The following DMD variants were observed in gnomAD, a reference collection of about 807,000 sequenced individuals.
The protein encoded by DMD is dystrophin, also known as mutant dystrophin.
In DMD, 63 loss-of-function variants were observed where a neutral mutation model predicts 330.1. The ratio of observed to expected loss-of-function variants is 0.19; its 90% CI spans 0.16 to 0.24. DMD has a LOEUF of 0.24. Ranked by LOEUF, DMD falls within the 10% of genes least tolerant of loss-of-function variation. The pLI, the probability that DMD is intolerant of heterozygous loss-of-function variation, is 1.00. For missense variants in DMD, 3,344 were observed against 2,684.1 expected, an observed-to-expected ratio of 1.25 and a Z score of -5.43; for synonymous variants, 1,223 against 959.8, an observed-to-expected ratio of 1.27 and a Z score of -5.07.
chrX:32,177,427 T>C (rs1411039779), intron 44 of DMD, among the ~76,000 whole-genome samples: 2 of 111,969 alleles, frequency 1.8e-5, no homozygotes, highest in African/African-American at 6.5e-5. Context: ...GCTGTCACAT[T>C]CTTTCTGTTC....
chrX:32,809,423 T>A, intron 7 of DMD, 70 bp downstream of exon 7: 3 of 894,491 alleles, frequency 3.4e-6, no homozygotes, highest in Non-Finnish European at 4.9e-6. Context: ...TGTGTAGAAA[T>A]GACAAGTCTC....
At chrX:31,417,187 G>A (rs915097850) in intron 60 of DMD, among the ~76,000 whole-genome samples, 6 of 112,418 alleles carry the variant, frequency 5.3e-5, no homozygotes. Flanking sequence ...AAATTAATGG[G>A]GTAAGTGCTG....
chrX:32,731,055 C>A (rs1412518440), intron 7 of DMD, among the ~76,000 whole-genome samples: 1 of 111,442 alleles, frequency 9.0e-6, no homozygotes, highest in African/African-American at 3.3e-5. Flanking sequence ...TGGGTGCGTG[C>A]ACCGTGCGCG....
At chrX:32,501,723 A>G in intron 19 of DMD, 32 bp downstream of exon 19, 1 of 1,086,376 alleles carries the variant, frequency 9.2e-7, no homozygotes, top group East Asian at 3.0e-5. Context: ...CAAATCCCTA[A>G]GAAGATTATC....
chrX:32,548,951 G>T (rs1474587621), intron 16 of DMD, among the ~76,000 whole-genome samples: 7 of 111,414 alleles, frequency 6.3e-5, no homozygotes, highest in African/African-American at 2.3e-4. Context: ...AACAATCTTT[G>T]TATCTAGCTA....
At chrX:32,861,538 A>G (rs762549563) in intron 2 of DMD, among the ~76,000 whole-genome samples, 7 of 111,963 alleles carry the variant, frequency 6.3e-5, no homozygotes, top group Non-Finnish European at 1.3e-4. Flanking sequence ...GAGGGAAGGT[A>G]TAATGAAACC....
intron 2 of DMD, among the ~76,000 whole-genome samples, chrX:32,862,116 TAG>T (rs1418022762): frequency 1.8e-5 from 2 of 111,743 alleles, no homozygotes; most frequent in African/African-American, 3.3e-5. Context: ...CAAATACTTG[TAG>T]AGACTTCTCT....
At chrX:31,219,900 A>C (rs1196642061) in intron 64 of DMD, among the ~76,000 whole-genome samples, 1 of 110,702 alleles carries the variant, frequency 9.0e-6, no homozygotes, top group African/African-American at 3.3e-5. Context: ...TTCAGTCAAC[A>C]ATGGACTGCC....
chrX:32,384,939 A>G (rs2097947907), intron 33 of DMD, among the ~76,000 whole-genome samples: 2 of 111,514 alleles, frequency 1.8e-5, no homozygotes, highest in South Asian at 7.2e-4. Context: ...TCCCATATTC[A>G]TGGATTGGAA....
At chrX:32,990,318 C>T (rs1387109303) in intron 2 of DMD, among the ~76,000 whole-genome samples, 1 of 111,779 alleles carries the variant, frequency 8.9e-6, no homozygotes, top group African/African-American at 3.3e-5. Flanking sequence ...AGCTTTGTCT[C>T]CTGAAATAAT....
At chrX:32,327,950 C>A (rs1356213119) in intron 41 of DMD, among the ~76,000 whole-genome samples, 1 of 111,293 alleles carries the variant, frequency 9.0e-6, no homozygotes, top group Non-Finnish European at 1.9e-5. Flanking sequence ...TTTCACTTCT[C>A]AAAACTTTTC....
intron 61 of DMD, among the ~76,000 whole-genome samples, chrX:31,330,948 C>G (rs1395108807): frequency 8.9e-6 from 1 of 111,841 alleles, no homozygotes; most frequent in Admixed American, 9.5e-5. Flanking sequence ...CTTTATATGT[C>G]TATATCGTAT....
intron 42 of DMD, among the ~76,000 whole-genome samples, chrX:32,299,948 C>T (rs1237001737): frequency 9.0e-6 from 1 of 111,592 alleles, no homozygotes; most frequent in Non-Finnish European, 1.9e-5. Flanking sequence ...ATTTCAGTTA[C>T]ACTCATGTCT....
chrX:32,634,652 T>A lies in DMD; in HGVS notation c.1331+9480A>T, dbSNP rs747437024. On this transcript the variant is annotated intron_variant, in intron 11 of 78. Coordinates refer to ENST00000357033, the MANE Select transcript of DMD (RefSeq NM_004006.3). ...GTTATCTGTGAGCTAGGGCCTGGAA[T>A]GGGGACCTCAAGACTCTGCCTGGTG... 1.8e-3 allele frequency among the ~76,000 whole-genome samples: 196 copies of A among 111,873 alleles called. 1 individual carries two copies. The highest frequency in any genetic ancestry group is 6.2e-3 in the African/African-American group (191 of 30,786).
In DMD at chrX:32,438,270, T is replaced by A; in HGVS notation, c.4042A>T (p.Asn1348Tyr). ...TCATGTAGTTCCCTCCAACGAGAAT[T>A]AAATGTCTCAAGTTCCTCATTGATT... ...ELINEELETF[N>Y]SRWRELHEEA... The change falls in exon 29 of 79, where the codon AAT becomes TAT. Residue 1348 changes from asparagine (N) to tyrosine (Y), a missense_variant. Coordinates refer to ENST00000357033, the MANE Select transcript of DMD (RefSeq NM_004006.3). 5.8e-6 allele frequency: 7 copies of A among 1,211,482 alleles called. No homozygotes were observed. The highest frequency in any genetic ancestry group is 1.8e-5 in the South Asian group (1 of 57,004).
chrX:32,286,627 C>T, intron 43 of DMD, among the ~76,000 whole-genome samples: 1 of 111,657 alleles, frequency 9.0e-6, no homozygotes, highest in Non-Finnish European at 1.9e-5. Flanking sequence ...ATGACGGCCA[C>T]TGAAAGATCG....
At chrX:32,249,253 T>C (rs907596663) in intron 43 of DMD, among the ~76,000 whole-genome samples, 1 of 112,009 alleles carries the variant, frequency 8.9e-6, no homozygotes, top group Non-Finnish European at 1.9e-5. Flanking sequence ...AGTTACTGAG[T>C]CAGAACTGCC....
At chrX:31,554,265 A>G (rs1429115750) in intron 55 of DMD, among the ~76,000 whole-genome samples, 2 of 111,774 alleles carry the variant, frequency 1.8e-5, no homozygotes, top group East Asian at 5.6e-4. Context: ...TGGAATCATT[A>G]AAGATTAAAA....
intron 55 of DMD, among the ~76,000 whole-genome samples, chrX:31,538,987 T>C (rs1202043996): frequency 8.9e-6 from 1 of 112,118 alleles, no homozygotes; most frequent in Non-Finnish European, 1.9e-5. Flanking sequence ...AGACTCTCTC[T>C]TCATGGTGAG....
Sources: gnomAD v4.1 joint callset for allele counts (sites outside exome capture counted in the v4.1 genomes callset) on GRCh38, gnomAD v4.1.1 for gene constraint, MANE v1.5 for transcripts, NCBI Gene and HGNC (gene_info 2026-07-23, HGNC 2026-07-21) for gene names.